The following FAF1 variants were observed in gnomAD, a reference collection of about 807,000 sequenced individuals.
The protein encoded by FAF1 is FAS-associated factor 1.
FAF1 carries 25 observed loss-of-function variants against 92.5 expected under a neutral mutation model. That is an observed-to-expected ratio of 0.27 (90% CI 0.20 to 0.38). The LOEUF (loss-of-function observed/expected upper bound fraction) is 0.38. Among genes scored for constraint, FAF1 ranks in the 10% least tolerant of loss-of-function variants. The probability of loss-of-function intolerance (pLI) is 1.00; values close to 1 mark genes in which losing one functional copy is unlikely to be tolerated. For synonymous variants in FAF1, 234 were observed against 273.2 expected (o/e 0.86, Z 1.42); for missense variants, 636 against 793.3 (o/e 0.80, Z 2.38).
intron 1 of FAF1, among the ~76,000 whole-genome samples, chr1:50,907,636 A>T (rs1329656241): frequency 4.0e-5 from 6 of 151,680 alleles, no homozygotes; most frequent in Non-Finnish European, 8.8e-5. Flanking sequence ...GAATTTATCC[A>T]TTTCTTCTAG....
At chr1:50,512,791 TG>T (rs988979692) in intron 15 of FAF1, among the ~76,000 whole-genome samples, 1 of 152,194 alleles carries the variant, frequency 6.6e-6, no homozygotes, top group Non-Finnish European at 1.5e-5. Flanking sequence ...GGTAGCTAGA[TG>T]GGGATAGCAT....
At chr1:50,904,067 T>C (rs867481225) in intron 1 of FAF1, among the ~76,000 whole-genome samples, 1 of 152,214 alleles carries the variant, frequency 6.6e-6, no homozygotes, top group South Asian at 2.1e-4. Flanking sequence ...CAGATATTTG[T>C]ATATCAACGT....
intron 8 of FAF1, among the ~76,000 whole-genome samples, chr1:50,643,422 T>C (rs1654438351): frequency 6.6e-6 from 1 of 152,170 alleles, no homozygotes; most frequent in South Asian, 2.1e-4. Context: ...CTAAAATTTA[T>C]CTTTTAATGG....
At position 50,739,295 on chromosome 1, in the gene FAF1, T is replaced by TGTGTACAC. The variant is rs532452614; in HGVS notation, c.460-349_460-342dup. Among the ~76,000 whole-genome samples the TGTGTACAC allele has an allele frequency of 7.2e-5, 11 of 152,150 alleles. No homozygotes were observed. The South Asian group carries it at 2.3e-3, about 32-fold the overall frequency. On this transcript the variant is annotated intron_variant, in intron 5 of 18. Transcript: ENST00000396153. ...ATGTGCATACATATACATATGTACA[T>TGTGTACAC]GTGTACACGTACATGCATATACATG... is the stretch of plus-strand genomic sequence containing the variant.
chr1:50,947,991 C>A (rs1033052821), intron 1 of FAF1, among the ~76,000 whole-genome samples: 1 of 152,058 alleles, frequency 6.6e-6, no homozygotes, highest in African/African-American at 2.4e-5. Flanking sequence ...GTTTCCCCAA[C>A]AGAGCTGACA....
At chr1:50,707,470 G>A (rs575509257) in intron 6 of FAF1, among the ~76,000 whole-genome samples, 4 of 152,174 alleles carry the variant, frequency 2.6e-5, no homozygotes, top group South Asian at 2.1e-4. Flanking sequence ...AGGCCAAGGC[G>A]GGTGGATTGC....
rs79737879 is a variant in FAF1, at chr1:50,870,480, T to A, written c.46-12483A>T. Among the ~76,000 whole-genome samples, 1,223 of 152,198 alleles carry A rather than the reference T, an allele frequency of 8.0e-3. 14 individuals are homozygous for A. Among genetic ancestry groups the A allele is most frequent in the African/African-American group, 0.028 (1,181 of 41,520 alleles). On this transcript the variant is annotated intron_variant, in intron 1 of 18. Transcript: ENST00000396153. ...TCAAAAATAAAAAAGAAAGAAAAAATTAGAGGTTTATGGCATCCCTGCATC... is the reference window on the plus strand; with the variant it reads ...TCAAAAATAAAAAAGAAAGAAAAAAATAGAGGTTTATGGCATCCCTGCATC...
intron 6 of FAF1, among the ~76,000 whole-genome samples, chr1:50,719,295 G>A (rs1658312187): frequency 6.6e-6 from 1 of 152,102 alleles, no homozygotes; most frequent in Admixed American, 6.6e-5. Context: ...TTAACACCCT[G>A]CTACAGTTGT....
At chr1:50,919,953 C>G (rs1001192524) in intron 1 of FAF1, among the ~76,000 whole-genome samples, 1 of 152,094 alleles carries the variant, frequency 6.6e-6, no homozygotes, top group African/African-American at 2.4e-5. Flanking sequence ...TAAACTGAAA[C>G]TAAATTCCTG....
intron 1 of FAF1, among the ~76,000 whole-genome samples, chr1:50,939,663 T>A (rs1645114010): frequency 6.6e-6 from 1 of 152,208 alleles, no homozygotes; most frequent in Non-Finnish European, 1.5e-5. Context: ...TGTGGGTTCA[T>A]CATAGATGGC....
At chr1:50,816,647 T>C (rs1458771449) in intron 2 of FAF1, among the ~76,000 whole-genome samples, 1 of 152,224 alleles carries the variant, frequency 6.6e-6, no homozygotes, top group African/African-American at 2.4e-5. Flanking sequence ...GTTTACTATA[T>C]TGATAGCTTC....
At chr1:50,820,810 T>C (rs1032329140) in intron 2 of FAF1, among the ~76,000 whole-genome samples, 1 of 152,098 alleles carries the variant, frequency 6.6e-6, no homozygotes, top group Non-Finnish European at 1.5e-5. Flanking sequence ...CCATTTTGTA[T>C]TTGGCAGGAT....
intron 7 of FAF1, among the ~76,000 whole-genome samples, chr1:50,693,657 A>T (rs1444034444): frequency 6.6e-6 from 1 of 152,146 alleles, no homozygotes; most frequent in Non-Finnish European, 1.5e-5. Flanking sequence ...AAATTGATTT[A>T]TAGAAATTCA....
At chr1:50,631,014 G>T (rs918182461) in intron 8 of FAF1, among the ~76,000 whole-genome samples, 2 of 151,322 alleles carry the variant, frequency 1.3e-5, no homozygotes, top group African/African-American at 2.4e-5. Context: ...TCTTGGCCAG[G>T]CTCCTGACCT....
intron 9 of FAF1, among the ~76,000 whole-genome samples, chr1:50,595,871 C>G (rs977243520): frequency 6.6e-6 from 1 of 152,012 alleles, no homozygotes; most frequent in African/African-American, 2.4e-5. Context: ...CCTGATGGTT[C>G]TAAGTAAAAA....
chr1:50,695,441 G>C (rs2124403838), intron 7 of FAF1, among the ~76,000 whole-genome samples: 1 of 151,912 alleles, frequency 6.6e-6, no homozygotes, highest in East Asian at 1.9e-4. Flanking sequence ...ATCTAAAGGA[G>C]GCTTATTTCC....
chr1:50,550,899 G>A (rs886750636), intron 13 of FAF1, among the ~76,000 whole-genome samples: 77 of 152,274 alleles, frequency 5.1e-4, no homozygotes, highest in African/African-American at 1.7e-3. Flanking sequence ...AATGAGAACT[G>A]TAAATGGTAA....
intron 17 of FAF1, among the ~76,000 whole-genome samples, chr1:50,489,528 A>G (rs1363290157): frequency 1.3e-5 from 2 of 152,204 alleles, no homozygotes; most frequent in African/African-American, 2.4e-5. Context: ...TACCTCTATA[A>G]TAACGTTTAC....
intron 12 of FAF1, among the ~76,000 whole-genome samples, chr1:50,580,039 A>G (rs549794965): frequency 6.6e-6 from 1 of 152,292 alleles, no homozygotes; most frequent in South Asian, 2.1e-4. Context: ...AAAGTATGAC[A>G]TCTATAATTT....
Sources: gnomAD v4.1 joint callset for allele counts (sites outside exome capture counted in the v4.1 genomes callset) on GRCh38, gnomAD v4.1.1 for gene constraint, MANE v1.5 for transcripts, NCBI Gene and HGNC (gene_info 2026-07-23, HGNC 2026-07-21) for gene names.